The following CTNND2 variants were observed in gnomAD, a reference collection of about 807,000 sequenced individuals.
The protein encoded by CTNND2 is catenin delta 2, also known as catenin delta-2.
In CTNND2, 22 loss-of-function variants were observed where a neutral mutation model predicts 144.4. That is an observed-to-expected ratio of 0.15 (90% CI 0.11 to 0.22). The LOEUF (loss-of-function observed/expected upper bound fraction) is 0.22. CTNND2 is among the 10% of genes least tolerant of loss of function. The pLI is 1.00. For missense variants in CTNND2, 1,353 were observed against 1,618.8 expected (o/e 0.84, Z 2.82); for synonymous variants, 751 against 695.6 (o/e 1.08, Z -1.25).
intron 1 of CTNND2, among the ~76,000 whole-genome samples, chr5:11,902,895 T>C (rs1020719621): frequency 1.3e-5 from 2 of 151,994 alleles, no homozygotes; most frequent in African/African-American, 2.4e-5. Context: ...ATTTTGGAAG[T>C]AACTGTTATT....
intron 2 of CTNND2, among the ~76,000 whole-genome samples, chr5:11,621,856 C>T (rs548979921): frequency 4.6e-5 from 7 of 152,272 alleles, no homozygotes; most frequent in Admixed American, 1.3e-4. Flanking sequence ...CATATGTAGG[C>T]GGGGCTGTCA....
intron 2 of CTNND2, among the ~76,000 whole-genome samples, chr5:11,634,838 G>A (rs1473294691): frequency 6.6e-6 from 1 of 152,134 alleles, no homozygotes; most frequent in African/African-American, 2.4e-5. Context: ...TCCTAAAGGT[G>A]CAGCTTGTGG....
intron 2 of CTNND2, among the ~76,000 whole-genome samples, chr5:11,603,756 T>A (rs771230321): frequency 4.6e-5 from 7 of 152,336 alleles, no homozygotes; most frequent in Non-Finnish European, 1.0e-4. Flanking sequence ...TTTATTATCA[T>A]TCTACAAATA....
At chr5:11,252,428 A>C (rs1167104463) in intron 9 of CTNND2, among the ~76,000 whole-genome samples, 1 of 152,232 alleles carries the variant, frequency 6.6e-6, no homozygotes, top group African/African-American at 2.4e-5. Context: ...TTCAATAATC[A>C]GAGAGATTAT....
At chr5:11,897,446 G>C (rs544174330) in intron 1 of CTNND2, among the ~76,000 whole-genome samples, 1 of 152,226 alleles carries the variant, frequency 6.6e-6, no homozygotes, top group African/African-American at 2.4e-5. Context: ...ACATCAAACA[G>C]CCACCAAAAT....
intron 2 of CTNND2, among the ~76,000 whole-genome samples, chr5:11,702,244 T>C (rs929810180): frequency 2.0e-5 from 3 of 152,180 alleles, no homozygotes; most frequent in African/African-American, 4.8e-5. Context: ...GGTTGTTTGT[T>C]ACATAGCATA....
At chr5:11,472,582 T>C (rs1581269902) in intron 3 of CTNND2, among the ~76,000 whole-genome samples, 1 of 152,210 alleles carries the variant, frequency 6.6e-6, no homozygotes, top group East Asian at 1.9e-4. Flanking sequence ...TACTCAATTC[T>C]GTAAGTTTCT....
intron 1 of CTNND2, among the ~76,000 whole-genome samples, chr5:11,876,995 T>C (rs539709820): frequency 2.0e-5 from 3 of 152,152 alleles, no homozygotes; most frequent in Non-Finnish European, 2.9e-5. Flanking sequence ...TTTCTTCTTG[T>C]TCCTGCCCAT....
intron 9 of CTNND2, among the ~76,000 whole-genome samples, chr5:11,251,237 C>T (rs1185719502): frequency 2.6e-5 from 4 of 152,134 alleles, no homozygotes; most frequent in African/African-American, 7.2e-5. Context: ...ACAGGGTGCC[C>T]CCCAGGCCAA....
intron 3 of CTNND2, among the ~76,000 whole-genome samples, chr5:11,428,248 T>C (rs116391667): frequency 2.3e-4 from 35 of 152,342 alleles, no homozygotes; most frequent in Non-Finnish European, 4.7e-4. Flanking sequence ...AAGCCTTCAG[T>C]AGTTTTTTAA....
At chr5:11,366,204 T>A (rs1003371138) in intron 7 of CTNND2, among the ~76,000 whole-genome samples, 4 of 152,216 alleles carry the variant, frequency 2.6e-5, no homozygotes, top group African/African-American at 9.6e-5. Flanking sequence ...AAAATTGTAA[T>A]ATTCTTGTCT....
chr5:11,866,734 T>G (rs1795786987), intron 1 of CTNND2, among the ~76,000 whole-genome samples: 1 of 152,222 alleles, frequency 6.6e-6, no homozygotes, highest in Non-Finnish European at 1.5e-5. Context: ...GTTGTCCTAA[T>G]AACAAACTAC....
intron 11 of CTNND2, among the ~76,000 whole-genome samples, chr5:11,163,889 T>G (rs985434008): frequency 6.6e-6 from 1 of 152,222 alleles, no homozygotes; most frequent in Non-Finnish European, 1.5e-5. Flanking sequence ...AATCCTGCTC[T>G]TATTTCCAAC....
intron 2 of CTNND2, among the ~76,000 whole-genome samples, chr5:11,662,744 T>C (rs1783342512): frequency 6.6e-6 from 1 of 152,126 alleles, no homozygotes; most frequent in Non-Finnish European, 1.5e-5. Context: ...GCAAGAGATC[T>C]AGGTTGTGCA....
At chr5:11,731,293 G>C (rs1787372439) in intron 2 of CTNND2, among the ~76,000 whole-genome samples, 1 of 152,094 alleles carries the variant, frequency 6.6e-6, no homozygotes, top group Non-Finnish European at 1.5e-5. Flanking sequence ...TTCCTCTAGA[G>C]CCCTTCTTCT....
chr5:11,177,253 C>A (rs1760567210), intron 11 of CTNND2, among the ~76,000 whole-genome samples: 1 of 152,158 alleles, frequency 6.6e-6, no homozygotes, highest in Admixed American at 6.5e-5. Flanking sequence ...TTTAGACATT[C>A]TGTGTTTTAC....
intron 1 of CTNND2, among the ~76,000 whole-genome samples, chr5:11,854,657 A>G (rs1190044899): frequency 6.6e-6 from 1 of 152,154 alleles, no homozygotes; most frequent in Non-Finnish European, 1.5e-5. Context: ...ATCCTTCCTA[A>G]AGCTTACAGA....
intron 2 of CTNND2, among the ~76,000 whole-genome samples, chr5:11,702,336 A>G (rs1785480441): frequency 6.6e-6 from 1 of 152,202 alleles, no homozygotes; most frequent in Admixed American, 6.5e-5. Context: ...TGTTGTGATG[A>G]ACACTGTTTA....
chr5:11,843,289 AT>A (rs1378802412), intron 1 of CTNND2, among the ~76,000 whole-genome samples: 1 of 151,794 alleles, frequency 6.6e-6, no homozygotes, highest in African/African-American at 2.4e-5. Context: ...TACATAAATC[AT>A]TTTATTTTCT....
Sources: allele counts gnomAD v4.1 joint callset (sites outside exome capture counted in the v4.1 genomes callset), GRCh38; gene constraint gnomAD v4.1.1; transcripts MANE v1.5; gene names NCBI Gene and HGNC (gene_info 2026-07-23, HGNC 2026-07-21).